PTPRD: variants seen among roughly 807,000 people sequenced by gnomAD.
PTPRD encodes the protein receptor-type tyrosine-protein phosphatase delta.
Under a neutral mutation model 214.5 loss-of-function variants are expected in PTPRD, and 34 were observed. That is an observed-to-expected ratio of 0.16 (90% CI 0.12 to 0.21). The LOEUF is 0.21. PTPRD is among the 10% of genes least tolerant of loss of function. PTPRD has a pLI of 1.00. For missense variants in PTPRD, 2,545 were observed against 2,398.7 expected (o/e 1.06, Z -1.27); for synonymous variants, 1,128 against 845.7 (o/e 1.33, Z -5.79).
chr9:9,457,886 A>G (rs2093233681), intron 8 of PTPRD, among the ~76,000 whole-genome samples: 1 of 152,068 alleles, frequency 6.6e-6, no homozygotes, highest in Non-Finnish European at 1.5e-5. Context: ...ACTATAAATT[A>G]TATCCCTACT....
intron 7 of PTPRD, among the ~76,000 whole-genome samples, chr9:9,700,122 A>G (rs1407307868): frequency 3.3e-5 from 5 of 152,138 alleles, no homozygotes; most frequent in African/African-American, 1.2e-4. Flanking sequence ...GTACTGAACT[A>G]TATATTTTTC....
chr9:9,077,912 T>C (rs1027821571), intron 10 of PTPRD, among the ~76,000 whole-genome samples: 2 of 152,052 alleles, frequency 1.3e-5, no homozygotes, highest in African/African-American at 4.8e-5. Flanking sequence ...TAAATATCTA[T>C]TTACATTGAA....
At chr9:8,910,331 C>T (rs1184309116) in intron 11 of PTPRD, among the ~76,000 whole-genome samples, 1 of 152,140 alleles carries the variant, frequency 6.6e-6, no homozygotes, top group African/African-American at 2.4e-5. Context: ...GCCACCGCAC[C>T]TGGCCTTTAT....
chr9:10,475,699 T>C (rs2099058249), intron 2 of PTPRD, among the ~76,000 whole-genome samples: 1 of 151,976 alleles, frequency 6.6e-6, no homozygotes. Flanking sequence ...CAGGCCAATA[T>C]CCCTGATTAA....
At chr9:9,453,536 T>G (rs1008933086) in intron 8 of PTPRD, among the ~76,000 whole-genome samples, 2 of 151,522 alleles carry the variant, frequency 1.3e-5, no homozygotes, top group African/African-American at 2.4e-5. Context: ...TAAATTACAG[T>G]CTAAGGGGAT....
At chr9:9,028,112 T>C (rs1211500561) in intron 10 of PTPRD, among the ~76,000 whole-genome samples, 1 of 151,970 alleles carries the variant, frequency 6.6e-6, no homozygotes, top group African/African-American at 2.4e-5. Flanking sequence ...ACAGAGTAAC[T>C]GCACAAAACC....
chr9:8,904,052 A>G (rs2098690929), intron 11 of PTPRD, among the ~76,000 whole-genome samples: 1 of 152,212 alleles, frequency 6.6e-6, no homozygotes, highest in South Asian at 2.1e-4. Flanking sequence ...CAAATTTACA[A>G]AAAAGTTGCA....
intron 5 of PTPRD, among the ~76,000 whole-genome samples, chr9:9,796,162 T>G (rs2099001188): frequency 6.6e-6 from 1 of 152,280 alleles, no homozygotes; most frequent in East Asian, 1.9e-4. Context: ...AAATGGATAC[T>G]AAGTTTTGTT....
intron 2 of PTPRD, among the ~76,000 whole-genome samples, chr9:10,393,583 G>C (rs2098113192): frequency 6.7e-6 from 1 of 150,362 alleles, no homozygotes; most frequent in South Asian, 2.1e-4. Context: ...TTAAGACCAG[G>C]AGTTCAAGGC....
intron 14 of PTPRD, among the ~76,000 whole-genome samples, chr9:8,555,994 G>C (rs1382560661): frequency 6.6e-6 from 1 of 152,170 alleles, no homozygotes; most frequent in East Asian, 1.9e-4. Flanking sequence ...AAGGACAGAT[G>C]GATGTAAAAA....
rs549806871 is a variant in PTPRD, at chr9:10,480,799, T to G, written c.-600+131599A>C. Among the ~76,000 whole-genome samples, 12 of 152,246 alleles carry G rather than the reference T, an allele frequency of 7.9e-5. No individual in the cohort carries two copies. In the South Asian group the frequency reaches 2.5e-3, roughly 31 times the overall value. ...ACAAGCCTACAAGGAGAGTTAACTG[T>G]GTTAATTACAAAATTGAGAAAAAAA... On this transcript the variant is annotated intron_variant, in intron 2 of 45. Coordinates refer to ENST00000381196, the MANE Select transcript of PTPRD (RefSeq NM_002839.4).
At chr9:10,138,967 C>T (rs957756284) in intron 3 of PTPRD, among the ~76,000 whole-genome samples, 1 of 151,808 alleles carries the variant, frequency 6.6e-6, no homozygotes, top group Non-Finnish European at 1.5e-5. Flanking sequence ...ACTGCAACCA[C>T]CCCCCTTGAG....
intron 5 of PTPRD, among the ~76,000 whole-genome samples, chr9:9,888,205 T>C (rs1246627434): frequency 1.3e-5 from 2 of 152,144 alleles, no homozygotes; most frequent in Non-Finnish European, 2.9e-5. Flanking sequence ...TCTGAGATGT[T>C]ATGGAGGAAT....
In PTPRD at chr9:8,499,814, C is replaced by T. The variant is rs750362550; in HGVS notation, c.2155G>A (p.Glu719Lys). 4.3e-6 allele frequency: 7 copies of T among 1,612,118 alleles called. No individual in the cohort carries two copies. Among genetic ancestry groups the T allele is most frequent in the Non-Finnish European group, 5.9e-6 (7 of 1,179,228 alleles). Residue 719 changes from glutamate to lysine, a missense_variant, in exon 25 of 46, where the codon GAG becomes AAG. Transcript: ENST00000381196. The part of the protein sequence containing the change: ...DVPSGPPRKV[E>K]VEAVNSTSVK... ...GATGTTGAGTTGACAGCCTCTACCT[C>T]GACTTTGCGAGGAGGACCACTAGGA...
intron 12 of PTPRD, chr9:8,700,579 T>C (rs985143589): frequency 6.6e-6 from 1 of 152,194 alleles, no homozygotes; most frequent in Non-Finnish European, 1.5e-5. Flanking sequence ...TCACAGTCAA[T>C]GTTTTCATTC....
intron 3 of PTPRD, among the ~76,000 whole-genome samples, chr9:10,226,881 G>A (rs1022671304): frequency 5.3e-5 from 8 of 151,840 alleles, no homozygotes; most frequent in African/African-American, 1.9e-4. Context: ...AATGGAAAAT[G>A]TTTTATAATA....
chr9:8,752,261 C>G (rs1160371847), intron 11 of PTPRD, among the ~76,000 whole-genome samples: 1 of 152,128 alleles, frequency 6.6e-6, no homozygotes, highest in African/African-American at 2.4e-5. Flanking sequence ...AGTAAAGAAG[C>G]CTGCTAAAAC....
At chr9:10,485,955 T>C (rs1195683839) in intron 2 of PTPRD, among the ~76,000 whole-genome samples, 3 of 152,150 alleles carry the variant, frequency 2.0e-5, no homozygotes, top group Non-Finnish European at 4.4e-5. Context: ...TTGAGCTTCT[T>C]TCATATGCTC....
chr9:10,163,347 G>C (rs928303779), intron 3 of PTPRD, among the ~76,000 whole-genome samples: 1 of 151,004 alleles, frequency 6.6e-6, no homozygotes, highest in Non-Finnish European at 1.5e-5. Context: ...AAATACTTTT[G>C]CCATCATTTG....
Sources: allele counts gnomAD v4.1 joint callset (sites outside exome capture counted in the v4.1 genomes callset), GRCh38; gene constraint gnomAD v4.1.1; transcripts MANE v1.5; gene names NCBI Gene and HGNC (gene_info 2026-07-23, HGNC 2026-07-21).